PROM1: variants seen among roughly 807,000 people sequenced by gnomAD.
PROM1 encodes prominin-1.
A neutral mutation model predicts 116.9 loss-of-function variants in PROM1; 105 were observed. The ratio of observed to expected loss-of-function variants is 0.90; its 90% CI spans 0.77 to 1.06. The LOEUF (loss-of-function observed/expected upper bound fraction) is 1.06. Ranked by LOEUF, PROM1 falls within the 50% of genes least tolerant of loss-of-function variation. The probability of loss-of-function intolerance (pLI) is 0.00; values close to 1 mark genes in which losing one functional copy is unlikely to be tolerated. For missense variants in PROM1, 1,122 were observed against 1,045.2 expected, an observed-to-expected ratio of 1.07 and a Z score of -1.01; for synonymous variants, 393 against 387.0, an observed-to-expected ratio of 1.02 and a Z score of -0.18.
intron 2 of PROM1, among the ~76,000 whole-genome samples, chr4:16,068,617 G>A (rs930779810): frequency 1.3e-5 from 2 of 152,272 alleles, no homozygotes; most frequent in East Asian, 1.9e-4. Flanking sequence ...GACTCACTGC[G>A]ACATTTATTC....
rs1214470986 is a variant in PROM1, at chr4:16,023,328, G to A, written c.782C>T (p.Thr261Ile). 1.3e-6 allele frequency: 2 copies of A among 1,599,414 alleles called. No individual in the cohort carries two copies. The highest frequency in any genetic ancestry group is 3.4e-5 in the Admixed American group (2 of 58,824). Reference protein sequence around the residue: ...PVLDEIKSMATAIKETKEALE... With the variant: ...PVLDEIKSMAIAIKETKEALE... The stretch of plus-strand genomic sequence containing the variant: ...GGTCATTTTTGCCCACTGCTTACCT[G>A]TTGCCATGGACTTAATCTCATCAAG... Residue 261 changes from threonine (T) to isoleucine (I), a missense_variant and splice_region_variant, in exon 8 of 28, where the codon ACA becomes ATA. Transcript: ENST00000447510.
chr4:15,983,329 A>C (rs1251177388), intron 23 of PROM1, among the ~76,000 whole-genome samples: 2 of 152,190 alleles, frequency 1.3e-5, no homozygotes, highest in East Asian at 1.9e-4. Flanking sequence ...GTGACCTCTC[A>C]CTGAATCATC....
chr4:16,074,728 T>C (rs1743575925), intron 2 of PROM1, among the ~76,000 whole-genome samples: 1 of 152,178 alleles, frequency 6.6e-6, no homozygotes, highest in Admixed American at 6.5e-5. Context: ...TGAAAATATA[T>C]AAACTCCCCA....
chr4:15,989,827 A>G lies in PROM1; in HGVS notation c.1984-3T>C. ...GAGTTCCTCAAATTTCCTGGGGGCTACAAAAAGAATAAAAAACAAAGATCA... is the reference window on the plus strand; with the variant it reads ...GAGTTCCTCAAATTTCCTGGGGGCTGCAAAAAGAATAAAAAACAAAGATCA... On this transcript the variant is annotated splice_region_variant and splice_polypyrimidine_tract_variant and intron_variant, in intron 18 of 27. Transcript: ENST00000447510. 1.3e-6 allele frequency: 2 copies of G among 1,591,190 alleles called. No homozygotes were observed. Among genetic ancestry groups the G allele is most frequent in the Non-Finnish European group, 8.6e-7 (1 of 1,165,242 alleles).
At chr4:16,055,989 C>T (rs1738912326) in intron 2 of PROM1, among the ~76,000 whole-genome samples, 1 of 152,124 alleles carries the variant, frequency 6.6e-6, no homozygotes, top group Admixed American at 6.5e-5. Context: ...TGTCCATATT[C>T]TCCATGAAGA....
intron 11 of PROM1, among the ~76,000 whole-genome samples, chr4:16,012,654 A>G (rs561121898): frequency 2.6e-5 from 4 of 152,180 alleles, no homozygotes; most frequent in African/African-American, 9.6e-5. Context: ...GTAGATCATG[A>G]GGTCAGGAGA....
intron 20 of PROM1, among the ~76,000 whole-genome samples, chr4:15,986,283 G>C (rs1383121005): frequency 2.6e-5 from 4 of 152,150 alleles, no homozygotes; most frequent in Non-Finnish European, 5.9e-5. Flanking sequence ...TGGACTTGCT[G>C]GAAACTCACA....
At chr4:16,038,725 T>C (rs1048655428) in intron 3 of PROM1, among the ~76,000 whole-genome samples, 1 of 152,212 alleles carries the variant, frequency 6.6e-6, no homozygotes, top group East Asian at 1.9e-4. Flanking sequence ...TTAAGTAACA[T>C]ACAACTTGAA....
intron 1 of PROM1, chr4:16,080,092 T>G (rs201039735): frequency 6.7e-6 from 1 of 150,106 alleles, no homozygotes; most frequent in East Asian, 2.0e-4. Flanking sequence ...CTCGGAAGTC[T>G]GAAGCAGGAG....
intron 26 of PROM1, among the ~76,000 whole-genome samples, chr4:15,972,988 C>T (rs552510822): frequency 1.3e-5 from 2 of 152,106 alleles, no homozygotes; most frequent in Non-Finnish European, 2.9e-5. Flanking sequence ...AAGGTCCTGG[C>T]CCCCGAAGAA....
At chr4:16,035,322 T>C (rs1426618930) in intron 4 of PROM1, among the ~76,000 whole-genome samples, 1 of 152,226 alleles carries the variant, frequency 6.6e-6, no homozygotes, top group African/African-American at 2.4e-5. Context: ...CAGGAGACAC[T>C]GAACCAAAAC....
chr4:16,041,785 A>AATAAATATAT (rs1207310213), intron 2 of PROM1, among the ~76,000 whole-genome samples: 2 of 37,620 alleles, frequency 5.3e-5, no homozygotes, highest in Non-Finnish European at 1.3e-4. Flanking sequence ...TAAATAAATA[A>AATAAATATAT]ATATATATAT....
At chr4:15,990,414 TG>T (rs1161116775) in intron 18 of PROM1, among the ~76,000 whole-genome samples, 1 of 152,140 alleles carries the variant, frequency 6.6e-6, no homozygotes, top group African/African-American at 2.4e-5. Context: ...GGGAAGCTTA[TG>T]GGGCTGGGGT....
intron 2 of PROM1, among the ~76,000 whole-genome samples, chr4:16,068,268 C>T (rs375243170): frequency 2.0e-5 from 3 of 152,054 alleles, no homozygotes; most frequent in East Asian, 1.9e-4. Context: ...TGTACTAGGC[C>T]CCAACAGAGC....
chr4:16,044,895 TG>T (rs982766314), intron 2 of PROM1, among the ~76,000 whole-genome samples: 1 of 152,014 alleles, frequency 6.6e-6, no homozygotes, highest in African/African-American at 2.4e-5. Context: ...CAAATCTACA[TG>T]GTTCAAAAAG....
intron 2 of PROM1, among the ~76,000 whole-genome samples, chr4:16,072,623 C>T (rs1455137454): frequency 6.6e-6 from 1 of 152,164 alleles, no homozygotes; most frequent in African/African-American, 2.4e-5. Context: ...AGACCTTTCC[C>T]AAGACAAACC....
chr4:16,078,567 C>T (rs1237334443), intron 1 of PROM1, among the ~76,000 whole-genome samples: 1 of 152,178 alleles, frequency 6.6e-6, no homozygotes, highest in Non-Finnish European at 1.5e-5. Context: ...TACCACTCTT[C>T]CTCTCTGTAT....
At chr4:16,050,353 T>C (rs1414295677) in intron 2 of PROM1, among the ~76,000 whole-genome samples, 1 of 152,004 alleles carries the variant, frequency 6.6e-6, no homozygotes, top group Non-Finnish European at 1.5e-5. Flanking sequence ...AGGGTGTTTG[T>C]TTGGTTTTTG....
At chr4:16,082,630 A>G (rs1045919874) in intron 1 of PROM1, 1 of 152,192 alleles carries the variant, frequency 6.6e-6, no homozygotes. Context: ...CGGGCGCGGG[A>G]AGCCAAGAGA....
Sources: allele counts gnomAD v4.1 joint callset (sites outside exome capture counted in the v4.1 genomes callset), GRCh38; gene constraint gnomAD v4.1.1; transcripts MANE v1.5; gene names NCBI Gene and HGNC (gene_info 2026-07-23, HGNC 2026-07-21).